The following SKI variants were observed in gnomAD, a reference collection of about 807,000 sequenced individuals.
SKI encodes the protein SKI proto-oncogene, also known as ski oncogene.
A neutral mutation model predicts 59.3 loss-of-function variants in SKI; 23 were observed. That is an observed-to-expected ratio of 0.39 (90% CI 0.28 to 0.55). SKI has a LOEUF of 0.55. Ranked by LOEUF, SKI falls within the 20% of genes least tolerant of loss-of-function variation. The pLI is 0.67. For missense variants in SKI, 1,017 were observed against 1,038.9 expected, an observed-to-expected ratio of 0.98 and a Z score of 0.29; for synonymous variants, 673 against 488.6, an observed-to-expected ratio of 1.38 and a Z score of -4.98.
intron 1 of SKI, among the ~76,000 whole-genome samples, chr1:2,280,714 C>T (rs374305030): frequency 0.025 from 120 of 4,770 alleles, 20 homozygotes; most frequent in South Asian, 0.18. Flanking sequence ...AGACAGGCGG[C>T]GGCGGCGATC....
At chr1:2,306,297 C>A in intron 6 of SKI, 47 bp downstream of exon 6, 1 of 1,464,676 alleles carries the variant, frequency 6.8e-7, no homozygotes, top group Non-Finnish European at 9.2e-7. Flanking sequence ...GGGCGTGGAG[C>A]CGCCGTGGGC....
At chr1:2,306,327 C>T (rs1441502676) in intron 6 of SKI, 77 bp downstream of exon 6, 2 of 1,350,366 alleles carry the variant, frequency 1.5e-6, no homozygotes, top group East Asian at 5.0e-5. Flanking sequence ...CAGTCCTGCC[C>T]AGCCGGAAAG....
At chr1:2,243,891 G>T (rs1038215718) in intron 1 of SKI, among the ~76,000 whole-genome samples, 1 of 152,160 alleles carries the variant, frequency 6.6e-6, no homozygotes, top group South Asian at 2.1e-4. Flanking sequence ...CTTTGTTCAC[G>T]TTTCTGATCA....
chr1:2,255,291 T>C (rs145480816), intron 1 of SKI, among the ~76,000 whole-genome samples: 69 of 152,188 alleles, frequency 4.5e-4, no homozygotes, highest in African/African-American at 1.4e-3. Flanking sequence ...GTCCAGCTGC[T>C]TAGACCTGTA....
At chr1:2,301,163 G>C (rs1356699331) in intron 1 of SKI, among the ~76,000 whole-genome samples, 1 of 152,182 alleles carries the variant, frequency 6.6e-6, no homozygotes. Context: ...CTCTCGGGAG[G>C]GTCCGCATGA....
chr1:2,309,704 GC>G lies in SKI; in HGVS notation c.*2946del, dbSNP rs1396553240. 4.3e-5 allele frequency: 1 copy of G among 23,010 alleles called. No individual in the cohort carries two copies. Among genetic ancestry groups the G allele is most frequent in the African/African-American group, 2.1e-4 (1 of 4,808 alleles). The allele number at this position is 23,010 out of a possible 1,614,324, so 1.4% of individuals were successfully genotyped here. A position where few individuals can be genotyped will look rare whatever the true frequency, so the allele number is the denominator to read the frequency against. ...CTCCTCCCTGTGGGTCCGAACCCCGGCCCCCCCACCCCCTCCTCCCTGTGGG... is the reference window on the plus strand; with the variant it reads ...CTCCTCCCTGTGGGTCCGAACCCCGGCCCCCCACCCCCTCCTCCCTGTGGG... On this transcript the variant is annotated 3_prime_UTR_variant, in exon 7 of 7. Coordinates refer to ENST00000378536, the MANE Select transcript of SKI (RefSeq NM_003036.4).
Position 2,303,386 on chromosome 1 carries a change from C to A in SKI, c.1197C>A (p.Ala399=), listed in dbSNP as rs1057522450. ...AAGAGCTCTCCCCACACCTCCCGGC[C>A]CTCATCCGAGACAGGTGAGTGGGCG... is the stretch of plus-strand genomic sequence containing the variant. ...SEKELSPHLP[A]LIRDSFYSYK... Residue 399 remains alanine, a synonymous_variant, in exon 3 of 7, where the codon GCC becomes GCA. Transcript: ENST00000378536. This position sits in a 1 kb window ranked among gnomAD's most constrained non-coding sequence, Gnocchi z 5.6. 6.2e-7 allele frequency: 1 copy of A among 1,613,102 alleles called. No homozygotes were observed. The highest frequency in any genetic ancestry group is 1.3e-5 in the African/African-American group (1 of 75,060).
chr1:2,304,624 G>A, intron 5 of SKI, 39 bp downstream of exon 5: 1 of 1,520,620 alleles, frequency 6.6e-7, no homozygotes, highest in Non-Finnish European at 8.8e-7. Context: ...CCAGGGCACG[G>A]GCAGTGAGCA....
intron 1 of SKI, among the ~76,000 whole-genome samples, chr1:2,289,669 G>A (rs115294334): frequency 0.021 from 3,184 of 150,990 alleles, 134 homozygotes; most frequent in African/African-American, 0.075. Context: ...GGCTGTAGCG[G>A]CTCTCCCCTC....
intron 1 of SKI, among the ~76,000 whole-genome samples, chr1:2,257,743 T>C (rs927425797): frequency 3.9e-5 from 6 of 152,112 alleles, no homozygotes; most frequent in Non-Finnish European, 5.9e-5. Context: ...TATTTACTTA[T>C]TTATTTATTT....
intron 1 of SKI, among the ~76,000 whole-genome samples, chr1:2,243,413 T>C (rs11582401): frequency 6.6e-6 from 1 of 152,224 alleles, no homozygotes; most frequent in Non-Finnish European, 1.5e-5. Context: ...AGGCTGGCCG[T>C]TGTGCTCTGT....
At position 2,262,955 on chromosome 1, in the gene SKI, A is replaced by G. The variant is rs966296521; in HGVS notation, c.969+33220A>G. On this transcript the variant is annotated intron_variant, in intron 1 of 6. Transcript: ENST00000378536. ...TTGCTCTGCACCCAGGCTGGAGTGC[A>G]ATGGCGCTATCTCGGCTCACTGTAA... 3.9e-5 allele frequency among the ~76,000 whole-genome samples: 6 copies of G among 152,132 alleles called. No homozygotes were observed. The East Asian group carries it at 1.2e-3, about 29-fold the overall frequency.
chr1:2,248,295 C>T (rs549022921), intron 1 of SKI, among the ~76,000 whole-genome samples: 66 of 152,302 alleles, frequency 4.3e-4, no homozygotes, highest in Middle Eastern at 3.4e-3. Flanking sequence ...CAGCCATTTC[C>T]GTTACTTGGT....
chr1:2,231,201 C>G (rs1490166221), intron 1 of SKI, among the ~76,000 whole-genome samples: 1 of 151,620 alleles, frequency 6.6e-6, no homozygotes, highest in African/African-American at 2.4e-5. Flanking sequence ...TCGTCAGTGC[C>G]TGTGGCTGGA....
At chr1:2,244,913 T>C (rs1638959157) in intron 1 of SKI, among the ~76,000 whole-genome samples, 1 of 152,238 alleles carries the variant, frequency 6.6e-6, no homozygotes, top group Non-Finnish European at 1.5e-5. Context: ...CTTCAGAAAC[T>C]ATTACTAGAA....
At position 2,303,925 on chromosome 1, in the gene SKI, C is replaced by G. The variant is rs538775546; in HGVS notation, c.1297C>G (p.Pro433Ala). ...GGCCCAGCAGAAGGTTGTGAGCAGCCCTCCGTGTGCCGCCGCCGTCTCCCG... is the reference window on the plus strand; with the variant it reads ...GGCCCAGCAGAAGGTTGTGAGCAGCGCTCCGTGTGCCGCCGCCGTCTCCCG... ...PPAQQKVVSS[P>A]PCAAAVSRAP... is the part of the protein sequence containing the mutation. Residue 433 changes from proline to alanine, a missense_variant, in exon 4 of 7, where the codon CCT becomes GCT. Pro to Ala is a conservative substitution (Grantham distance 27, BLOSUM62 -1). Coordinates refer to ENST00000378536, the MANE Select transcript of SKI (RefSeq NM_003036.4). The surrounding 1 kb of genome is among the most constrained non-coding windows in gnomAD (Gnocchi z 5.6). 6.2e-7 allele frequency: 1 copy of G among 1,611,836 alleles called. No individual in the cohort carries two copies. Among genetic ancestry groups the G allele is most frequent in the Non-Finnish European group, 8.5e-7 (1 of 1,179,658 alleles).
intron 1 of SKI, chr1:2,240,600 GA>G (rs1401447549): frequency 4.1e-6 from 4 of 985,458 alleles, no homozygotes; most frequent in South Asian, 4.7e-5. Context: ...AGGATTTTAA[GA>G]AGCAGAGTTC....
chr1:2,254,348 C>T (rs1383697870), intron 1 of SKI, among the ~76,000 whole-genome samples: 1 of 152,188 alleles, frequency 6.6e-6, no homozygotes, highest in Non-Finnish European at 1.5e-5. Flanking sequence ...GTCTTCGTGT[C>T]ACAGGGTGCT....
rs545731816 is a variant in SKI, at chr1:2,305,253, A to G, written c.1767+668A>G. 3.7e-4 allele frequency among the ~76,000 whole-genome samples: 57 copies of G among 152,200 alleles called. No individual in the cohort carries two copies. In the East Asian group the frequency reaches 9.1e-3, roughly 24 times the overall value. On this transcript the variant is annotated intron_variant, in intron 5 of 6. Coordinates refer to ENST00000378536, the MANE Select transcript of SKI (RefSeq NM_003036.4). ...TTTAGGTTTCTTTCTGACATGACTG[A>G]GGGAAGTGCGGTTCACAGGCAGAGC...
Sources: allele counts gnomAD v4.1 joint callset (sites outside exome capture counted in the v4.1 genomes callset), GRCh38; gene constraint gnomAD v4.1.1; non-coding constraint Gnocchi (gnomAD v3.1); transcripts MANE v1.5; gene names NCBI Gene and HGNC (gene_info 2026-07-23, HGNC 2026-07-21).